Variants in ULK4 observed in about 807,000 individuals in gnomAD.
ULK4 encodes unc-51 like kinase 4.
A neutral mutation model predicts 160.6 loss-of-function variants in ULK4; 133 were observed. The ratio of observed to expected loss-of-function variants is 0.83; its 90% CI spans 0.72 to 0.96. The LOEUF (loss-of-function observed/expected upper bound fraction) is 0.96. ULK4 is among the 40% of genes least tolerant of loss of function. The pLI is 0.00. For synonymous variants in ULK4, 534 were observed against 539.8 expected (o/e 0.99, Z 0.15); for missense variants, 1,580 against 1,499.5 (o/e 1.05, Z -0.89).
At chr3:41,814,908 C>CT (rs201381514) in intron 19 of ULK4, among the ~76,000 whole-genome samples, 8,281 of 127,410 alleles carry the variant, frequency 0.065, 847 homozygotes, top group African/African-American at 0.2. Context: ...TAATTCTGTC[C>CT]TTTTTTTTTT....
chr3:41,569,281 A>G (rs567398311), intron 31 of ULK4, among the ~76,000 whole-genome samples: 1 of 152,150 alleles, frequency 6.6e-6, no homozygotes, highest in African/African-American at 2.4e-5. Context: ...CAGAGGGTGG[A>G]GATTGGGACT....
At chr3:41,385,097 T>C (rs975981505) in intron 35 of ULK4, among the ~76,000 whole-genome samples, 3 of 152,064 alleles carry the variant, frequency 2.0e-5, no homozygotes, top group Admixed American at 6.6e-5. Flanking sequence ...TGATATGAAA[T>C]TGTTAATTTT....
At chr3:41,689,468 C>T (rs540911108) in intron 27 of ULK4, among the ~76,000 whole-genome samples, 1 of 152,228 alleles carries the variant, frequency 6.6e-6, no homozygotes, top group African/African-American at 2.4e-5. Context: ...CTTTTCTCTG[C>T]ACAGCAAAAG....
In ULK4 at chr3:41,572,335, G is replaced by C. The variant is rs535529124; in HGVS notation, c.3121-6205C>G. On this transcript the variant is annotated intron_variant, in intron 31 of 36. Transcript: ENST00000301831. The stretch of plus-strand genomic sequence containing the variant: ...GAACTGAAAGAAGCCCAGAGTAGGC[G>C]GGGGTGAAAATCTGAGAAACACTAA... Among the ~76,000 whole-genome samples, 107 of 152,212 alleles carry C rather than the reference G, an allele frequency of 7.0e-4. No individual in the cohort carries two copies. In the South Asian group the frequency reaches 0.013, roughly 18 times the overall value.
chr3:41,420,876 A>C (rs2082648709), intron 34 of ULK4, among the ~76,000 whole-genome samples: 3 of 151,702 alleles, frequency 2.0e-5, no homozygotes, highest in Non-Finnish European at 4.4e-5. Context: ...AACTTTGGGA[A>C]GCTGAGGCAG....
At chr3:41,874,502 A>G (rs1697225763) in intron 17 of ULK4, among the ~76,000 whole-genome samples, 1 of 152,264 alleles carries the variant, frequency 6.6e-6, no homozygotes, top group Admixed American at 6.5e-5. Flanking sequence ...GAACTAAATC[A>G]TAAAACATGA....
intron 35 of ULK4, among the ~76,000 whole-genome samples, chr3:41,314,279 T>G (rs1465945779): frequency 1.3e-5 from 2 of 152,206 alleles, no homozygotes; most frequent in African/African-American, 4.8e-5. Context: ...AGTGGTAAAG[T>G]CTGGGCTTTT....
At chr3:41,372,923 C>T (rs1293177359) in intron 35 of ULK4, among the ~76,000 whole-genome samples, 1 of 151,956 alleles carries the variant, frequency 6.6e-6, no homozygotes, top group Non-Finnish European at 1.5e-5. Flanking sequence ...CTCATAGGCT[C>T]AAAATAAAGG....
Position 41,408,747 on chromosome 3 carries a change from C to A in ULK4, c.3493-10483G>T, listed in dbSNP as rs375307885. Among the ~76,000 whole-genome samples the A allele has an allele frequency of 2.5e-3, 378 of 152,210 alleles. 3 individuals are homozygous for A. Among genetic ancestry groups the A allele is most frequent in the Middle Eastern group, 0.01 (3 of 294 alleles). Reference sequence around the variant, plus strand: ...CAACAGTAATCCAACAAATGTGGTACTGGCATAAGATAGATCTAGAGACCA... The same window carrying A: ...CAACAGTAATCCAACAAATGTGGTAATGGCATAAGATAGATCTAGAGACCA... On this transcript the variant is annotated intron_variant, in intron 34 of 36. Coordinates refer to ENST00000301831, the MANE Select transcript of ULK4 (RefSeq NM_017886.4).
chr3:41,659,084 A>G lies in ULK4; in HGVS notation c.3071+4523T>C, dbSNP rs1047747019. ...TGAGTGATTTTAATCCATGTAAATT[A>G]TATCTCAATAAACCTGTTTATTTAT... On this transcript the variant is annotated intron_variant, in intron 30 of 36. Transcript: ENST00000301831. Among the ~76,000 whole-genome samples, 6 of 152,218 alleles carry G rather than the reference A, an allele frequency of 3.9e-5. 1 individual carries two copies. The highest frequency in any genetic ancestry group is 7.3e-5 in the Non-Finnish European group (5 of 68,042).
chr3:41,905,955 C>T (rs1698538558), intron 12 of ULK4, among the ~76,000 whole-genome samples: 1 of 152,068 alleles, frequency 6.6e-6, no homozygotes, highest in African/African-American at 2.4e-5. Flanking sequence ...CGGTGGCTCA[C>T]GCCTATAATC....
At chr3:41,539,892 C>G (rs1021550223) in intron 32 of ULK4, among the ~76,000 whole-genome samples, 1 of 152,082 alleles carries the variant, frequency 6.6e-6, no homozygotes, top group Non-Finnish European at 1.5e-5. Context: ...TTTTAGGCAT[C>G]TGACTCCTCA....
At chr3:41,268,610 A>G (rs1390198216) in intron 35 of ULK4, among the ~76,000 whole-genome samples, 1 of 152,118 alleles carries the variant, frequency 6.6e-6, no homozygotes, top group Non-Finnish European at 1.5e-5. Flanking sequence ...GTTCGAGACC[A>G]GTCTGGCCAA....
At chr3:41,656,044 G>GT (rs1243675498) in intron 30 of ULK4, among the ~76,000 whole-genome samples, 1 of 152,056 alleles carries the variant, frequency 6.6e-6, no homozygotes, top group Non-Finnish European at 1.5e-5. Flanking sequence ...CACCCATGCA[G>GT]TTTTTTTCTG....
At chr3:41,485,037 C>T (rs4435609) in intron 32 of ULK4, among the ~76,000 whole-genome samples, 67,994 of 151,940 alleles carry the variant, frequency 0.45, 15,769 homozygotes, top group African/African-American at 0.56. Context: ...AGCAAATACC[C>T]ACATGGTTCT....
intron 5 of ULK4, among the ~76,000 whole-genome samples, chr3:41,920,622 C>A (rs949438867): frequency 1.2e-4 from 19 of 152,164 alleles, no homozygotes; most frequent in African/African-American, 4.6e-4. Flanking sequence ...GGTGCACACT[C>A]TCTGCATTCC....
intron 18 of ULK4, among the ~76,000 whole-genome samples, chr3:41,833,297 T>TTTTTTTTGTTTTTTTTTTG (rs2041654136): frequency 7.2e-6 from 1 of 139,056 alleles, no homozygotes. Flanking sequence ...TTTTTTTTTT[T>TTTTTTTTGTTTTTTTTTTG]TTTGTTTGTT....
intron 35 of ULK4, among the ~76,000 whole-genome samples, chr3:41,344,916 C>A (rs1010604819): frequency 6.6e-6 from 1 of 151,832 alleles, no homozygotes; most frequent in African/African-American, 2.4e-5. Context: ...CCAGAGTCTA[C>A]AAGGAACTTG....
At chr3:41,700,353 TGA>T (rs1425578309) in intron 27 of ULK4, among the ~76,000 whole-genome samples, 1 of 152,150 alleles carries the variant, frequency 6.6e-6, no homozygotes, top group African/African-American at 2.4e-5. Context: ...CAGAGTTTTA[TGA>T]GTCACCTTAC....
Sources: gnomAD v4.1 joint callset for allele counts (sites outside exome capture counted in the v4.1 genomes callset) on GRCh38, gnomAD v4.1.1 for gene constraint, MANE v1.5 for transcripts, NCBI Gene and HGNC (gene_info 2026-07-23, HGNC 2026-07-21) for gene names.